MAN2B1: variants seen among roughly 807,000 people sequenced by gnomAD.
MAN2B1 encodes the protein mannosidase alpha class 2B member 1.
Under a neutral mutation model 127.5 loss-of-function variants are expected in MAN2B1, and 99 were observed. That is an observed-to-expected ratio of 0.78 (90% CI 0.66 to 0.92). The LOEUF is 0.92. Among genes scored for constraint, MAN2B1 ranks in the 40% least tolerant of loss-of-function variants. MAN2B1 has a pLI of 0.00. For synonymous variants in MAN2B1, 573 were observed against 568.8 expected (o/e 1.01, Z -0.11); for missense variants, 1,304 against 1,384.8 (o/e 0.94, Z 0.93).
At position 12,652,199 on chromosome 19, in the gene MAN2B1, T is replaced by C; in HGVS notation, c.2000A>G (p.Gln667Arg). 1 of 1,614,176 alleles carries C rather than the reference T, an allele frequency of 6.2e-7. No homozygotes were observed. The highest frequency in any genetic ancestry group is 1.3e-5 in the African/African-American group (1 of 75,046). Residue 667 changes from glutamine (Q) to arginine (R), a missense_variant, in exon 16 of 24, where the codon CAG (glutamine) becomes CGG (arginine). By Grantham distance (43) the Gln-to-Arg change is conservative. Coordinates refer to ENST00000456935, the MANE Select transcript of MAN2B1 (RefSeq NM_000528.4). The part of the protein sequence containing the change: ...SGAYIFRPNQ[Q>R]KPLPVSRWAQ... ...CCAGCGGCTCACAGGCAGCGGTTTCTGTTGGTTGGGTCTGAAGATGTAGGC... is the reference window on the plus strand; with the variant it reads ...CCAGCGGCTCACAGGCAGCGGTTTCCGTTGGTTGGGTCTGAAGATGTAGGC...
At chr19:12,655,948 AAACTC>A in intron 13 of MAN2B1, 69 bp from the exon 14 acceptor site, 2 of 1,334,988 alleles carry the variant, frequency 1.5e-6, no homozygotes, top group Non-Finnish European at 2.1e-6. Context: ...TGGAGACAAA[AAACTC>A]AAGGAAGGAA....
rs1414316629 is a variant in MAN2B1, at chr19:12,666,631, A to G, written c.71T>C (p.Met24Thr). The G allele has an allele frequency of 1.3e-6, 2 of 1,555,518 alleles. No homozygotes were observed. Among genetic ancestry groups the G allele is most frequent in the South Asian group, 2.4e-5 (2 of 84,644 alleles). ...GCLDSAGPWT[M>T]SRALRPPLPP... ...GAGCGGTGGCCGCAGGGCGCGGGAC[A>G]TGGTCCAGGGGCCTGCTGAGTCCAG... The change falls in exon 1 of 24, where the codon ATG (methionine) becomes ACG (threonine). Residue 24 changes from methionine (M) to threonine (T), a missense_variant. Transcript: ENST00000456935.
chr19:12,666,694 G>C lies in MAN2B1; in HGVS notation c.8C>G (p.Ala3Gly), dbSNP rs991079968. 2 of 1,549,308 alleles carry C rather than the reference G, an allele frequency of 1.3e-6. No homozygotes were observed. Among genetic ancestry groups the C allele is most frequent in the Non-Finnish European group, 1.7e-6 (2 of 1,146,834 alleles). MGAYARASGVCAR... is the reference protein window; with the variant it reads MGGYARASGVCAR... The stretch of plus-strand genomic sequence containing the variant: ...GCAGACCCCCGAAGCCCGCGCGTAG[G>C]CGCCCATGGCTCAGCAGCTTCCTCC... Residue 3 changes from alanine (A) to glycine (G), a missense_variant, in exon 1 of 24, where the codon GCC (alanine) becomes GGC (glycine). Physicochemically the swap from Ala to Gly is moderately conservative, Grantham distance 60 (BLOSUM62 0). Coordinates refer to ENST00000456935, the MANE Select transcript of MAN2B1 (RefSeq NM_000528.4).
intron 18 of MAN2B1, 34 bp downstream of exon 18, chr19:12,649,879 G>T (rs2145232111): frequency 2.0e-6 from 3 of 1,468,860 alleles, no homozygotes; most frequent in Non-Finnish European, 2.8e-6. Context: ...ACACACCACA[G>T]ACCACCCCCT....
rs1339390213 is a variant in MAN2B1 at position 12,655,759 on chromosome 19, G to C, written c.1765C>G (p.Gln589Glu). 1 of 1,609,206 alleles carries C rather than the reference G, an allele frequency of 6.2e-7. No individual in the cohort carries two copies. Among genetic ancestry groups the C allele is most frequent in the Admixed American group, 1.7e-5 (1 of 59,812 alleles). ...GGGATGGGCTGTGGTGCGCGGGCCT[G>C]GGGCTTCCAGCGAGGCACCTGGGCT... is the stretch of plus-strand genomic sequence containing the variant. ...SVAQVPRWKP[Q>E]ARAPQPIPRR... Residue 589 changes from glutamine to glutamate, a missense_variant, in exon 14 of 24, where the codon CAG becomes GAG. Gln to Glu is a conservative substitution (Grantham distance 29). Transcript: ENST00000456935.
Position 12,665,462 on chromosome 19 carries a change from A to C in MAN2B1, c.326T>G (p.Leu109Arg). The change falls in exon 3 of 24, where the codon CTG becomes CGG. Residue 109 changes from leucine to arginine, a missense_variant. Physicochemically the swap from Leu to Arg is moderately radical, Grantham distance 102 (BLOSUM62 -2). Transcript: ENST00000456935. Reference sequence around the variant, plus strand: ...AATGAAGCGACGGGTGGGATCTGCCAGCAAGGCAGAGATGACCGAGTCCAG... The same window carrying C: ...AATGAAGCGACGGGTGGGATCTGCCCGCAAGGCAGAGATGACCGAGTCCAG... ...YILDSVISAL[L>R]ADPTRRFIYV... The C allele has an allele frequency of 6.2e-7, 1 of 1,614,194 alleles. No homozygotes were observed. Among genetic ancestry groups the C allele is most frequent in the Non-Finnish European group, 8.5e-7 (1 of 1,180,042 alleles).
intron 7 of MAN2B1, 196 bp downstream of exon 7, chr19:12,661,064 G>A (rs2024090937): frequency 1.9e-6 from 1 of 536,392 alleles, no homozygotes; most frequent in African/African-American, 1.9e-5. Context: ...GCCTCATGCT[G>A]GACTTCTTAC....
At chr19:12,653,168 A>G (rs1157058502) in intron 14 of MAN2B1, among the ~76,000 whole-genome samples, 1 of 127,584 alleles carries the variant, frequency 7.8e-6, no homozygotes, top group Non-Finnish European at 1.6e-5. Flanking sequence ...TTTGAGACTG[A>G]GTCTCGCTCT....
intron 1 of MAN2B1, 111 bp downstream of exon 1, chr19:12,666,432 T>C: frequency 8.2e-7 from 1 of 1,221,650 alleles, no homozygotes; most frequent in Non-Finnish European, 1.2e-6. Flanking sequence ...CACACTGTCA[T>C]ATCATCAGCC....
chr19:12,665,552 A>C (rs778788798), intron 2 of MAN2B1, 27 bp from the exon 3 acceptor site: 71 of 1,611,996 alleles, frequency 4.4e-5, no homozygotes, highest in Non-Finnish European at 5.8e-5. Context: ...TAAGGCTCTC[A>C]GGGAACAGCA....
At chr19:12,656,883 A>G in intron 12 of MAN2B1, 66 bp downstream of exon 12, 1 of 1,345,598 alleles carries the variant, frequency 7.4e-7, no homozygotes, top group Non-Finnish European at 1.1e-6. Context: ...GTCCTCCAAA[A>G]ACATTTTCCA....
At position 12,648,225 on chromosome 19, in the gene MAN2B1, C is replaced by G. The variant is rs2023743167; in HGVS notation, c.2614G>C (p.Ala872Pro). 1 of 1,581,788 alleles carries G rather than the reference C, an allele frequency of 6.3e-7. No homozygotes were observed. Among genetic ancestry groups the G allele is most frequent in the South Asian group, 1.1e-5 (1 of 88,420 alleles). ...QEVLAPQVVLAPGGGAAYNLG... is the reference protein window; with the variant it reads ...QEVLAPQVVLPPGGGAAYNLG... ...TTGTAGGCGGCGCCGCCACCCGGGG[C>G]CAGCACCACCTGAGGGGCCAGGACC... The change falls in exon 21 of 24, where the codon GCC becomes CCC. Residue 872 changes from alanine (A) to proline (P), a missense_variant. Transcript: ENST00000456935.
rs797044680 is a variant in MAN2B1 at position 12,649,169 on chromosome 19, G to GC, written c.2402dup (p.Ser802GlnfsTer129). The GC allele has an allele frequency of 8.1e-6, 13 of 1,612,488 alleles. No individual in the cohort carries two copies. The highest frequency in any genetic ancestry group is 1.1e-5 in the Non-Finnish European group (13 of 1,179,994). On this transcript the variant is annotated frameshift_variant, in exon 20 of 24. Coordinates refer to ENST00000456935, the MANE Select transcript of MAN2B1 (RefSeq NM_000528.4). LOFTEE classifies it high-confidence loss of function. ...CCAGCGAGCCATCTCTCAGGCTGCT[G>GC]CCCCCCTGGGAGCGGTCAGTCAGCA...
At chr19:12,659,484 G>A (rs1224119989) in intron 7 of MAN2B1, among the ~76,000 whole-genome samples, 1 of 151,704 alleles carries the variant, frequency 6.6e-6, no homozygotes, top group Admixed American at 6.6e-5. Flanking sequence ...AGTATTTTTA[G>A]TAGAGACAAG....
intron 1 of MAN2B1, among the ~76,000 whole-genome samples, chr19:12,666,010 G>T (rs1276666317): frequency 6.6e-6 from 1 of 152,202 alleles, no homozygotes; most frequent in Non-Finnish European, 1.5e-5. Context: ...CCACAGGGCA[G>T]CTCTCATTCA....
Position 12,647,394 on chromosome 19 carries a change from C to T in MAN2B1, c.2820+49G>A, listed in dbSNP as rs1341593163. On this transcript the variant is annotated intron_variant, in intron 22 of 23. Coordinates refer to ENST00000456935, the MANE Select transcript of MAN2B1 (RefSeq NM_000528.4). The surrounding 1 kb of genome is among the most constrained non-coding windows in gnomAD (Gnocchi z 4.9). Reference sequence around the variant, plus strand: ...GGCAAAGCCAGGTTTCTCTTCTCTCCCTCTCTCTTGCCTCTCTCCGATCTC... The same window carrying T: ...GGCAAAGCCAGGTTTCTCTTCTCTCTCTCTCTCTTGCCTCTCTCCGATCTC... 1.9e-6 allele frequency: 3 copies of T among 1,612,280 alleles called. No homozygotes were observed. The highest frequency in any genetic ancestry group is 1.1e-5 in the South Asian group (1 of 91,018).
Position 12,663,465 on chromosome 19 carries a change from G to T in MAN2B1, c.764-3C>A. ...GTTGTAACCATTGGGAAGCACACCT[G>T]CAGGTCACACCAAGTTCAAGGGGTG... On this transcript the variant is annotated splice_polypyrimidine_tract_variant and splice_region_variant and intron_variant, in intron 5 of 23. Transcript: ENST00000456935. 6.2e-7 allele frequency: 1 copy of T among 1,613,740 alleles called. No homozygotes were observed.
At position 12,666,706 on chromosome 19, in the gene MAN2B1, C is replaced by T. The variant is rs979481094; in HGVS notation, c.-5G>A. The T allele has an allele frequency of 1.9e-6, 3 of 1,548,090 alleles. No individual in the cohort carries two copies. Among genetic ancestry groups the T allele is most frequent in the South Asian group, 2.4e-5 (2 of 84,028 alleles). ...AGCCCGCGCGTAGGCGCCCATGGCT[C>T]AGCAGCTTCCTCCTGGGGTTCCCCG... On this transcript the variant is annotated 5_prime_UTR_variant, in exon 1 of 24. Coordinates refer to ENST00000456935, the MANE Select transcript of MAN2B1 (RefSeq NM_000528.4).
At position 12,655,840 on chromosome 19, in the gene MAN2B1, G is replaced by A. The variant is rs1303843843; in HGVS notation, c.1684C>T (p.Pro562Ser). 1 of 1,614,002 alleles carries A rather than the reference G, an allele frequency of 6.2e-7. No individual in the cohort carries two copies. Among genetic ancestry groups the A allele is most frequent in the Admixed American group, 1.7e-5 (1 of 60,002 alleles). Reference sequence around the variant, plus strand: ...AGTGAGGCTGAGAACAGCAGCTCCGGAGGGTGCGCCTGGCTGTCTGAGCTG... The same window carrying A: ...AGTGAGGCTGAGAACAGCAGCTCCGAAGGGTGCGCCTGGCTGTCTGAGCTG... ...FPSSDSQAHP[P>S]ELLFSASLPA... The change falls in exon 14 of 24, where the codon CCG (proline) becomes TCG (serine). Residue 562 changes from proline to serine, a missense_variant. Physicochemically the swap from Pro to Ser is moderately conservative, Grantham distance 74. Transcript: ENST00000456935.
Sources: gnomAD v4.1 joint callset for allele counts (sites outside exome capture counted in the v4.1 genomes callset) on GRCh38, gnomAD v4.1.1 for gene constraint, Gnocchi (gnomAD v3.1) non-coding constraint, MANE v1.5 for transcripts, NCBI Gene and HGNC (gene_info 2026-07-23, HGNC 2026-07-21) for gene names.